The following ZNF804B variants were observed in gnomAD, a reference collection of about 807,000 sequenced individuals.
ZNF804B encodes zinc finger protein 804B.
In ZNF804B, 80 loss-of-function variants were observed where a neutral mutation model predicts 101.4. The observed-to-expected ratio is 0.79, with a 90% CI of 0.66 to 0.95. ZNF804B has a LOEUF of 0.95. Among genes scored for constraint, ZNF804B ranks in the 40% least tolerant of loss-of-function variants. The pLI, the probability that ZNF804B is intolerant of heterozygous loss-of-function variation, is 0.00. For missense variants in ZNF804B, 1,673 were observed against 1,561.9 expected (o/e 1.07, Z -1.20); for synonymous variants, 622 against 558.8 (o/e 1.11, Z -1.59).
chr7:89,188,296 G>A (rs903861874), intron 1 of ZNF804B, among the ~76,000 whole-genome samples: 6 of 152,054 alleles, frequency 3.9e-5, no homozygotes, highest in Admixed American at 6.6e-5. Context: ...CAAGAACCAT[G>A]TTCATATAGA....
rs370016299 is a variant in ZNF804B at position 89,334,009 on chromosome 7, A to G, written c.1027A>G (p.Lys343Glu). ...DVDFTPTSRE[K>E]ETRNTLKNTL... ...AGATTTTACTCCTACCAGCAGAGAAAAAGAAACTAGAAATACATTGAAGAA... is the reference window on the plus strand; with the variant it reads ...AGATTTTACTCCTACCAGCAGAGAAGAAGAAACTAGAAATACATTGAAGAA... The change falls in exon 4 of 4, where the codon AAA becomes GAA. Residue 343 changes from lysine to glutamate, a missense_variant. Lys to Glu is a moderately conservative substitution (Grantham distance 56). Coordinates refer to ENST00000333190, the MANE Select transcript of ZNF804B (RefSeq NM_181646.5). 1.2e-6 allele frequency: 2 copies of G among 1,613,360 alleles called. No homozygotes were observed. The highest frequency in any genetic ancestry group is 2.7e-5 in the African/African-American group (2 of 74,870).
chr7:89,288,441 CA>C (rs1411306909), intron 2 of ZNF804B, among the ~76,000 whole-genome samples: 8 of 151,952 alleles, frequency 5.3e-5, no homozygotes, highest in African/African-American at 1.9e-4. Flanking sequence ...ATAAATACAG[CA>C]AAAACTACAA....
chr7:88,841,737 G>A (rs750156587), intron 1 of ZNF804B, among the ~76,000 whole-genome samples: 4 of 152,152 alleles, frequency 2.6e-5, no homozygotes, highest in Non-Finnish European at 4.4e-5. Flanking sequence ...GGACAGTTGA[G>A]GGCTGTGCTC....
chr7:89,037,133 G>T (rs1198007196), intron 1 of ZNF804B, among the ~76,000 whole-genome samples: 1 of 151,854 alleles, frequency 6.6e-6, no homozygotes, highest in Non-Finnish European at 1.5e-5. Flanking sequence ...TAACCAAAAA[G>T]AAAAAAATAT....
At chr7:89,293,536 G>C (rs181135039) in intron 2 of ZNF804B, among the ~76,000 whole-genome samples, 1,639 of 152,278 alleles carry the variant, frequency 0.011, 36 homozygotes, top group Admixed American at 0.042. Context: ...TGTAATCCCA[G>C]CACTTTGGGA....
intron 1 of ZNF804B, among the ~76,000 whole-genome samples, chr7:89,064,254 A>G (rs932874878): frequency 2.0e-5 from 3 of 152,140 alleles, no homozygotes; most frequent in Admixed American, 1.3e-4. Flanking sequence ...CCAGAAGAAC[A>G]TAACTTTGAG....
chr7:89,181,248 G>A (rs1422748377), intron 1 of ZNF804B, among the ~76,000 whole-genome samples: 1 of 152,032 alleles, frequency 6.6e-6, no homozygotes, highest in Non-Finnish European at 1.5e-5. Flanking sequence ...TGCAAGCCCA[G>A]CATGGCACCA....
chr7:89,323,586 T>A (rs1790851812), intron 2 of ZNF804B, among the ~76,000 whole-genome samples: 1 of 152,150 alleles, frequency 6.6e-6, no homozygotes, highest in Non-Finnish European at 1.5e-5. Flanking sequence ...GTTGCTTAGT[T>A]TTCTTTACTA....
chr7:89,136,550 A>G (rs1460033613), intron 1 of ZNF804B, among the ~76,000 whole-genome samples: 1 of 152,092 alleles, frequency 6.6e-6, no homozygotes, highest in Non-Finnish European at 1.5e-5. Flanking sequence ...TTTAATAAGC[A>G]CTATTCTACT....
At chr7:89,084,517 C>G (rs569169540) in intron 1 of ZNF804B, among the ~76,000 whole-genome samples, 2 of 151,994 alleles carry the variant, frequency 1.3e-5, no homozygotes, top group East Asian at 3.9e-4. Context: ...CAAGTGTTTA[C>G]AGTGGTAAGC....
intron 1 of ZNF804B, among the ~76,000 whole-genome samples, chr7:88,784,955 T>G (rs1790278009): frequency 6.6e-6 from 1 of 152,170 alleles, no homozygotes; most frequent in South Asian, 2.1e-4. Flanking sequence ...TCTCAAGATT[T>G]AGAATGAGGC....
At chr7:88,891,125 T>C (rs1322770665) in intron 1 of ZNF804B, among the ~76,000 whole-genome samples, 1 of 152,154 alleles carries the variant, frequency 6.6e-6, no homozygotes, top group Non-Finnish European at 1.5e-5. Flanking sequence ...AATAAATATT[T>C]AAGTTAATGA....
intron 1 of ZNF804B, among the ~76,000 whole-genome samples, chr7:89,061,761 A>T (rs1295643355): frequency 6.6e-6 from 1 of 152,086 alleles, no homozygotes; most frequent in Non-Finnish European, 1.5e-5. Context: ...TATATAAATG[A>T]TCACATTTAT....
intron 1 of ZNF804B, among the ~76,000 whole-genome samples, chr7:89,147,242 TGTGA>T (rs1224829001): frequency 1.3e-5 from 2 of 151,988 alleles, no homozygotes; most frequent in Non-Finnish European, 2.9e-5. Context: ...ACAGCTACGC[TGTGA>T]GTATGTTTCA....
At chr7:88,763,640 C>A (rs946492350) in intron 1 of ZNF804B, among the ~76,000 whole-genome samples, 6 of 151,688 alleles carry the variant, frequency 4.0e-5, no homozygotes, top group African/African-American at 1.5e-4. Context: ...TGTGCATTTT[C>A]TAAATTCTAC....
intron 1 of ZNF804B, among the ~76,000 whole-genome samples, chr7:88,940,634 T>C (rs1793041225): frequency 6.6e-6 from 1 of 151,632 alleles, no homozygotes; most frequent in Non-Finnish European, 1.5e-5. Context: ...CTGGGCATGG[T>C]GGTGTGCACT....
intron 1 of ZNF804B, among the ~76,000 whole-genome samples, chr7:89,216,909 TG>T (rs1190443583): frequency 3.3e-5 from 5 of 152,230 alleles, no homozygotes; most frequent in Non-Finnish European, 7.3e-5. Flanking sequence ...CATATTTACT[TG>T]GTATTCTCAA....
chr7:89,285,295 G>T (rs1433562086), intron 2 of ZNF804B, among the ~76,000 whole-genome samples: 1 of 151,610 alleles, frequency 6.6e-6, no homozygotes, highest in African/African-American at 2.4e-5. Context: ...GCCCGAGGCG[G>T]GTGGATCATG....
chr7:89,052,387 A>C (rs1584096754), intron 1 of ZNF804B, among the ~76,000 whole-genome samples: 1 of 152,274 alleles, frequency 6.6e-6, no homozygotes, highest in South Asian at 2.1e-4. Context: ...TTACAGGATA[A>C]CCAAAGCTAT....
Sources: gnomAD v4.1 joint callset for allele counts (sites outside exome capture counted in the v4.1 genomes callset) on GRCh38, gnomAD v4.1.1 for gene constraint, MANE v1.5 for transcripts, NCBI Gene and HGNC (gene_info 2026-07-23, HGNC 2026-07-21) for gene names.